BLM: variants seen among roughly 807,000 people sequenced by gnomAD.
BLM encodes the protein BLM RecQ like helicase.
In BLM, 95 loss-of-function variants were observed where a neutral mutation model predicts 135.3. The observed-to-expected ratio is 0.70, with a 90% confidence interval of 0.59 to 0.83. BLM has a LOEUF of 0.83. Among genes scored for constraint, BLM ranks in the 40% least tolerant of loss-of-function variants. The pLI is 0.00. For synonymous variants in BLM, 520 were observed against 589.2 expected, an observed-to-expected ratio of 0.88 and a Z score of 1.70; for missense variants, 1,518 against 1,663.9, an observed-to-expected ratio of 0.91 and a Z score of 1.53.
intron 3 of BLM, among the ~76,000 whole-genome samples, 153 bp downstream of exon 3, chr15:90,750,220 T>A (rs1596219530): frequency 6.6e-6 from 1 of 152,312 alleles, no homozygotes; most frequent in East Asian, 1.9e-4. Context: ...GGCCACATTT[T>A]TGAGGCAGGA....
intron 12 of BLM, among the ~76,000 whole-genome samples, chr15:90,774,303 C>T (rs1261904851): frequency 1.3e-5 from 2 of 151,144 alleles, no homozygotes; most frequent in African/African-American, 4.9e-5. Context: ...AACTCCTGAC[C>T]TCAGGTGATC....
intron 10 of BLM, 127 bp from the exon 11 acceptor site, chr15:90,769,006 G>A: frequency 9.4e-6 from 8 of 848,642 alleles, no homozygotes; most frequent in South Asian, 6.9e-5. Context: ...GATTACAGGC[G>A]TGAGCCACCG....
intron 16 of BLM, among the ~76,000 whole-genome samples, chr15:90,797,414 CAAAAAAAAAAAAAAAAAAAA>C (rs56369282): frequency 2.7e-5 from 3 of 109,576 alleles, no homozygotes; most frequent in African/African-American, 1.3e-4. Flanking sequence ...AACTCCATCT[CAAAAAAAAAAAAAAAAAAAA>C]AAAAAAAAAA....
chr15:90,771,145 A>G (rs1290219189), intron 12 of BLM, among the ~76,000 whole-genome samples: 2 of 152,246 alleles, frequency 1.3e-5, no homozygotes, highest in African/African-American at 4.8e-5. Flanking sequence ...AATTTGGGGA[A>G]AAATATTTTG....
At chr15:90,749,278 G>A (rs1192423400) in intron 2 of BLM, 89 bp from the exon 3 acceptor site, 2 of 895,094 alleles carry the variant, frequency 2.2e-6, no homozygotes. Context: ...AATGTAACCT[G>A]TGTGAATTAG....
rs147120997 is a variant in BLM, at chr15:90,730,834, G to A, written c.-5+13394G>A. 3.8e-3 allele frequency among the ~76,000 whole-genome samples: 573 copies of A among 152,086 alleles called. 3 individuals carry two copies. The highest frequency in any genetic ancestry group is 0.013 in the African/African-American group (544 of 41,482). On this transcript the variant is annotated intron_variant, in intron 1 of 21. Coordinates refer to ENST00000355112, the MANE Select transcript of BLM (RefSeq NM_000057.4). ...TATTCTAGAAGTCTTGAGACGATAT[G>A]GTTGTTCAGCTTTAATGTTGTGGTG...
At chr15:90,792,577 CTT>C (rs1321654450) in intron 15 of BLM, among the ~76,000 whole-genome samples, 1 of 152,138 alleles carries the variant, frequency 6.6e-6, no homozygotes, top group Non-Finnish European at 1.5e-5. Context: ...GGTTTTGTAA[CTT>C]TTCCCCAGGA....
chr15:90,766,620 GT>G (rs1249249699), intron 9 of BLM, among the ~76,000 whole-genome samples: 3 of 151,928 alleles, frequency 2.0e-5, no homozygotes, highest in African/African-American at 7.3e-5. Flanking sequence ...TAGAGATGGG[GT>G]TTCTCCGTGT....
chr15:90,784,699 C>A (rs1342142851), intron 13 of BLM, among the ~76,000 whole-genome samples: 1 of 151,726 alleles, frequency 6.6e-6, no homozygotes, highest in African/African-American at 2.4e-5. Context: ...TCATCCAGGT[C>A]CACCTCACGA....
chr15:90,769,296 A>T, intron 11 of BLM, 65 bp downstream of exon 11: 1 of 1,542,326 alleles, frequency 6.5e-7, no homozygotes, highest in African/African-American at 1.4e-5. Context: ...ATATGTATTT[A>T]CTGAATAAAA....
At chr15:90,793,132 T>C (rs1896946250) in intron 15 of BLM, among the ~76,000 whole-genome samples, 1 of 151,484 alleles carries the variant, frequency 6.6e-6, no homozygotes, top group Non-Finnish European at 1.5e-5. Flanking sequence ...TTTTAAAAAT[T>C]ATTTTCTTTT....
intron 1 of BLM, among the ~76,000 whole-genome samples, chr15:90,721,483 C>T (rs1387214987): frequency 3.3e-5 from 5 of 152,072 alleles, no homozygotes; most frequent in African/African-American, 7.2e-5. Context: ...CCCGCCACCA[C>T]GCCCGGCTAA....
chr15:90,759,956 C>CTTTTTTTTT (rs367763242), intron 5 of BLM, 191 bp from the exon 6 acceptor site: 1 of 290,068 alleles, frequency 3.4e-6, no homozygotes, highest in African/African-American at 2.5e-5. Flanking sequence ...GATCTTAAGA[C>CTTTTTTTTT]TTTTTTTTTT....
intron 12 of BLM, 135 bp from the exon 13 acceptor site, chr15:90,782,687 A>T (rs1391055637): frequency 1.5e-6 from 1 of 670,832 alleles, no homozygotes; most frequent in African/African-American, 1.8e-5. Flanking sequence ...TGACCTAATT[A>T]TCTCCCGGAG....
chr15:90,752,006 T>C, intron 4 of BLM, 60 bp downstream of exon 4: 1 of 1,431,016 alleles, frequency 7.0e-7, no homozygotes, highest in Non-Finnish European at 9.7e-7. Flanking sequence ...AATTGTTTAA[T>C]TTAGTTTATA....
intron 14 of BLM, among the ~76,000 whole-genome samples, chr15:90,788,159 G>A (rs966283475): frequency 2.0e-5 from 3 of 152,040 alleles, no homozygotes; most frequent in Non-Finnish European, 4.4e-5. Flanking sequence ...AAGGAGGTAA[G>A]GATTCAGCCT....
chr15:90,789,987 G>GTTTTTTTTT lies in BLM; in HGVS notation c.2824-634_2824-626dup, dbSNP rs61059865. Among the ~76,000 whole-genome samples, 40 of 57,372 alleles carry GTTTTTTTTT rather than the reference G, an allele frequency of 7.0e-4. 2 individuals carry two copies. Among genetic ancestry groups the GTTTTTTTTT allele is most frequent in the African/African-American group, 2.0e-3 (37 of 18,940 alleles). The allele number at this position is 57,372 out of a possible 152,430, so 37.6% of individuals were successfully genotyped here. On this transcript the variant is annotated intron_variant, in intron 14 of 21. Coordinates refer to ENST00000355112, the MANE Select transcript of BLM (RefSeq NM_000057.4). ...AGGTCTAAGATCCGCAGTCCCTGGT[G>GTTTTTTTTT]TTTTTTTTTTTTTTTTTTTTTTTTT...
At chr15:90,812,865 T>G (rs1897457980) in intron 21 of BLM, among the ~76,000 whole-genome samples, 1 of 152,196 alleles carries the variant, frequency 6.6e-6, no homozygotes, top group Admixed American at 6.5e-5. Context: ...AAACGTTAGT[T>G]TAATTTTGTG....
Position 90,752,051 on chromosome 15 carries a change from T to C in BLM, c.959+105T>C, listed in dbSNP as rs938205022. On this transcript the variant is annotated intron_variant, in intron 4 of 21. Coordinates refer to ENST00000355112, the MANE Select transcript of BLM (RefSeq NM_000057.4). Reference sequence around the variant, plus strand: ...CTATATAAAAGTATTTTGTGCTTTCTACAATTATTTTACATTCAAGTGAAA... The same window carrying C: ...CTATATAAAAGTATTTTGTGCTTTCCACAATTATTTTACATTCAAGTGAAA... The C allele has an allele frequency of 8.1e-6, 9 of 1,105,636 alleles. No homozygotes were observed. The African/African-American group carries it at 1.4e-4, about 18-fold the overall frequency. The allele number at this position is 1,105,636 out of a possible 1,614,324, so 68.5% of individuals were successfully genotyped here.
Sources: gnomAD v4.1 joint callset for allele counts (sites outside exome capture counted in the v4.1 genomes callset) on GRCh38, gnomAD v4.1.1 for gene constraint, MANE v1.5 for transcripts, NCBI Gene and HGNC (gene_info 2026-07-23, HGNC 2026-07-21) for gene names.